Variants in ANKRD11 observed in about 807,000 individuals in gnomAD.
ANKRD11 encodes ankyrin repeat domain-containing protein 11.
A neutral mutation model predicts 195.7 loss-of-function variants in ANKRD11; 17 were observed. The observed-to-expected ratio is 0.09, with a 90% CI of 0.06 to 0.13. ANKRD11 has a LOEUF of 0.13. Among genes scored for constraint, ANKRD11 ranks in the 10% least tolerant of loss-of-function variants. ANKRD11 has a pLI of 1.00. For synonymous variants in ANKRD11, 1,953 were observed against 1,528.1 expected, an observed-to-expected ratio of 1.28 and a Z score of -6.49; for missense variants, 3,735 against 3,566.1, an observed-to-expected ratio of 1.05 and a Z score of -1.21.
intron 7 of ANKRD11, chr16:89,286,636 C>T (rs962848031): frequency 2.5e-6 from 3 of 1,209,466 alleles, no homozygotes; most frequent in Non-Finnish European, 3.2e-6. Context: ...GTTGGGGGGA[C>T]AGAATAGAGG....
intron 2 of ANKRD11, among the ~76,000 whole-genome samples, chr16:89,391,394 C>T (rs941946467): frequency 5.3e-5 from 8 of 152,136 alleles, no homozygotes; most frequent in South Asian, 2.1e-4. Context: ...GACCCCGTGC[C>T]GTCTCCAGGT....
chr16:89,277,007 C>T lies in ANKRD11; in HGVS notation c.7471-1816G>A, dbSNP rs1180588757. Among the ~76,000 whole-genome samples the T allele has an allele frequency of 3.3e-5, 5 of 149,852 alleles. No homozygotes were observed. In the East Asian group the frequency reaches 9.8e-4, roughly 29 times the overall value. On this transcript the variant is annotated intron_variant, in intron 9 of 12. Coordinates refer to ENST00000301030, the MANE Select transcript of ANKRD11 (RefSeq NM_013275.6). Reference sequence around the variant, plus strand: ...GGAGGTGGAGCTTGCAGTGAGCCGACATCACGCCACTGCACTCCAGCCTGG... The same window carrying T: ...GGAGGTGGAGCTTGCAGTGAGCCGATATCACGCCACTGCACTCCAGCCTGG...
chr16:89,274,513 G>A (rs2033469608), intron 11 of ANKRD11, among the ~76,000 whole-genome samples: 1 of 152,242 alleles, frequency 6.6e-6, no homozygotes, highest in Non-Finnish European at 1.5e-5. Flanking sequence ...GTGAGAGGTA[G>A]GTAGGGGCAG....
rs774995181 is a variant in ANKRD11, at chr16:89,280,371, G to A, written c.6171C>T (p.Ala2057=). Residue 2057 remains alanine, a synonymous_variant, in exon 9 of 13, where the codon GCC becomes GCT. Transcript: ENST00000301030. ...AGAAGGACTCCAGCCCGGAGGGAGGGGCGTAGGGAGCCGCCTCTGAGGTGG... is the reference window on the plus strand; with the variant it reads ...AGAAGGACTCCAGCCCGGAGGGAGGAGCGTAGGGAGCCGCCTCTGAGGTGG... ...AISTSEAAPY[A]PPSGLESFFS... The A allele has an allele frequency of 4.5e-6, 7 of 1,564,520 alleles. No homozygotes were observed. The highest frequency in any genetic ancestry group is 4.5e-5 in the East Asian group (2 of 44,346).
rs530994776 is a variant in ANKRD11, at chr16:89,422,501, G to A, written c.-144-4133C>T. Among the ~76,000 whole-genome samples, 15 of 152,142 alleles carry A rather than the reference G, an allele frequency of 9.9e-5. 1 individual carries two copies. Among genetic ancestry groups the A allele is most frequent in the Admixed American group, 3.9e-4 (6 of 15,278 alleles). Reference sequence around the variant, plus strand: ...GGCATCCTACCGGACTCCACTAACAGGTGCGACTATGGGTCAGTAATAAAC... The same window carrying A: ...GGCATCCTACCGGACTCCACTAACAAGTGCGACTATGGGTCAGTAATAAAC... On this transcript the variant is annotated intron_variant, in intron 1 of 12. Transcript: ENST00000301030.
chr16:89,287,515 C>T (rs1227521080), intron 7 of ANKRD11: 1 of 195,118 alleles, frequency 5.1e-6, no homozygotes, highest in Non-Finnish European at 1.1e-5. Flanking sequence ...AGCCCCATCA[C>T]CCTCCAGGGC....
chr16:89,424,715 AG>A (rs1156663140), intron 1 of ANKRD11, among the ~76,000 whole-genome samples: 1 of 152,212 alleles, frequency 6.6e-6, no homozygotes, highest in Non-Finnish European at 1.5e-5. Flanking sequence ...AGTGGTTCTC[AG>A]GGGTTAGGGA....
chr16:89,275,084 C>A lies in ANKRD11; in HGVS notation c.7569+9G>T. 2 of 1,612,782 alleles carry A rather than the reference C, an allele frequency of 1.2e-6. No individual in the cohort carries two copies. The highest frequency in any genetic ancestry group is 1.7e-6 in the Non-Finnish European group (2 of 1,179,642). ...CGTGGCGCCCCCCTGCCTGTGCCAG[C>A]CCACTTACCCGCTCGATGCTGTGCT... On this transcript the variant is annotated intron_variant, in intron 10 of 12. Coordinates refer to ENST00000301030, the MANE Select transcript of ANKRD11 (RefSeq NM_013275.6).
chr16:89,316,847 C>A (rs2036987716), intron 3 of ANKRD11, 86 bp downstream of exon 3: 1 of 1,500,092 alleles, frequency 6.7e-7, no homozygotes, highest in South Asian at 1.2e-5. Flanking sequence ...GGGCGGAGAA[C>A]AGGCCACAGG....
At chr16:89,445,264 G>A (rs758105916) in intron 1 of ANKRD11, among the ~76,000 whole-genome samples, 5 of 152,252 alleles carry the variant, frequency 3.3e-5, no homozygotes, top group Non-Finnish European at 7.3e-5. Flanking sequence ...AAGGGAAGGG[G>A]AGCAAGCTGT....
chr16:89,319,167 G>A (rs1042196989), intron 2 of ANKRD11, among the ~76,000 whole-genome samples: 1 of 152,242 alleles, frequency 6.6e-6, no homozygotes, highest in Non-Finnish European at 1.5e-5. Context: ...TCCCAGATGT[G>A]AGTCTGTGGC....
At chr16:89,325,664 A>C (rs1199740997) in intron 2 of ANKRD11, among the ~76,000 whole-genome samples, 1 of 152,228 alleles carries the variant, frequency 6.6e-6, no homozygotes, top group East Asian at 1.9e-4. Flanking sequence ...TTCTAAGTGA[A>C]GGCTGCGGAG....
In ANKRD11 at chr16:89,283,955, T is replaced by C. The variant is rs1039133335; in HGVS notation, c.2587A>G (p.Thr863Ala). 26 of 1,614,044 alleles carry C rather than the reference T, an allele frequency of 1.6e-5. No individual in the cohort carries two copies. Among genetic ancestry groups the C allele is most frequent in the Non-Finnish European group, 2.2e-5 (26 of 1,180,054 alleles). ...TCGCTCTTCATGTCCCTGTAGTCTG[T>C]CACTGGCGAGTCCCAGCTGTCCTCC... Reference protein sequence around the residue: ...KGEDSWDSPVTDYRDMKSDSV... With the variant: ...KGEDSWDSPVADYRDMKSDSV... The change falls in exon 9 of 13, where the codon ACA becomes GCA. Residue 863 changes from threonine to alanine, a missense_variant. Transcript: ENST00000301030. This position sits in a 1 kb window ranked among gnomAD's most constrained non-coding sequence, Gnocchi z 4.3.
At chr16:89,338,390 T>C (rs374738814) in intron 2 of ANKRD11, among the ~76,000 whole-genome samples, 4 of 145,124 alleles carry the variant, frequency 2.8e-5, no homozygotes, top group African/African-American at 1.0e-4. Flanking sequence ...GAAAAGGGCC[T>C]GAGTGGAAAT....
chr16:89,292,082 C>T (rs1003992602), intron 4 of ANKRD11, among the ~76,000 whole-genome samples: 7 of 152,156 alleles, frequency 4.6e-5, no homozygotes, highest in Non-Finnish European at 7.3e-5. Context: ...AGCTGCCCTG[C>T]GGGTTCTGGG....
At chr16:89,278,436 G>A (rs541040617) in intron 9 of ANKRD11, 6 of 435,456 alleles carry the variant, frequency 1.4e-5, no homozygotes, top group East Asian at 7.0e-5. Flanking sequence ...GGGCCCAGAC[G>A]TAGCGCAAGG....
At chr16:89,486,415 T>C (rs967433257) in intron 1 of ANKRD11, among the ~76,000 whole-genome samples, 4 of 144,366 alleles carry the variant, frequency 2.8e-5, no homozygotes, top group Non-Finnish European at 6.0e-5. Context: ...GCCGCTGCCC[T>C]CCAGCCTGAG....
intron 1 of ANKRD11, among the ~76,000 whole-genome samples, chr16:89,477,088 T>G (rs908312122): frequency 6.6e-6 from 1 of 152,222 alleles, no homozygotes; most frequent in Non-Finnish European, 1.5e-5. Context: ...GGTCTTGTCT[T>G]TCTTTGTCTA....
chr16:89,433,637 G>T (rs1013515915), intron 1 of ANKRD11, among the ~76,000 whole-genome samples: 11 of 151,438 alleles, frequency 7.3e-5, no homozygotes, highest in Non-Finnish European at 1.2e-4. Flanking sequence ...ACGCAGCAGG[G>T]CTGGGCACGC....
Sources: gnomAD v4.1 joint callset for allele counts (sites outside exome capture counted in the v4.1 genomes callset) on GRCh38, gnomAD v4.1.1 for gene constraint, Gnocchi (gnomAD v3.1) non-coding constraint, MANE v1.5 for transcripts, NCBI Gene and HGNC (gene_info 2026-07-23, HGNC 2026-07-21) for gene names.